Variants in UQCC1 observed in about 807,000 individuals in gnomAD.
UQCC1 encodes bFGF-repressed Zic-binding protein.
In UQCC1, 38 loss-of-function variants were observed where a neutral mutation model predicts 48.0. That is an observed-to-expected ratio of 0.79 (90% confidence interval 0.61 to 1.04). The LOEUF is 1.04. Ranked by LOEUF, UQCC1 falls within the 50% of genes least tolerant of loss-of-function variation. The pLI is 0.00. For synonymous variants in UQCC1, 111 were observed against 129.2 expected (o/e 0.86, Z 0.95); for missense variants, 368 against 381.8 (o/e 0.96, Z 0.30).
In UQCC1 at chr20:35,394,119, C is replaced by G. The variant is rs747896153; in HGVS notation, c.102G>C (p.Gly34=). 2.5e-6 allele frequency: 4 copies of G among 1,613,802 alleles called. No homozygotes were observed. Among genetic ancestry groups the G allele is most frequent in the Non-Finnish European group, 3.4e-6 (4 of 1,179,818 alleles). Reference sequence around the variant, plus strand: ...GGGAAGTGCGAGACAGAGCCCTGTCCCCCTGTCCTTGGGTAGGAGACACAG... The same window carrying G: ...GGGAAGTGCGAGACAGAGCCCTGTCGCCCTGTCCTTGGGTAGGAGACACAG... ...LIPVSPTQGQ[G]DRALSRTSQW... The change falls in exon 2 of 10, where the codon GGG becomes GGC. Residue 34 remains glycine (G), a synonymous_variant. Transcript: ENST00000374385.
intron 7 of UQCC1, among the ~76,000 whole-genome samples, chr20:35,325,581 C>T (rs1000727979): frequency 4.6e-5 from 7 of 152,184 alleles, no homozygotes; most frequent in African/African-American, 1.7e-4. Context: ...TGAGTAACTG[C>T]TGTATTCTAC....
intron 1 of UQCC1, among the ~76,000 whole-genome samples, chr20:35,403,596 A>G (rs560872762): frequency 2.0e-5 from 3 of 152,338 alleles, no homozygotes; most frequent in South Asian, 2.1e-4. Flanking sequence ...ATGCTGCTAT[A>G]AAGACACACA....
At chr20:35,409,471 A>AG (rs61301013) in intron 1 of UQCC1, 9,336 of 175,026 alleles carry the variant, frequency 0.053, 400 homozygotes, top group South Asian at 0.16. Context: ...ACTCCGTCTC[A>AG]GAAAAAAAAA....
chr20:35,393,539 G>A (rs2062038250), intron 2 of UQCC1, among the ~76,000 whole-genome samples: 1 of 147,648 alleles, frequency 6.8e-6, no homozygotes, highest in African/African-American at 2.5e-5. Context: ...CACACAGGCT[G>A]AAAAAGAACC....
intron 6 of UQCC1, among the ~76,000 whole-genome samples, chr20:35,355,306 C>A (rs1251682211): frequency 1.3e-5 from 2 of 152,232 alleles, no homozygotes; most frequent in Non-Finnish European, 2.9e-5. Context: ...AAGAATCAGT[C>A]TTCCTATCAA....
At chr20:35,386,583 A>C (rs140216708) in intron 2 of UQCC1, among the ~76,000 whole-genome samples, 4 of 152,328 alleles carry the variant, frequency 2.6e-5, no homozygotes, top group Non-Finnish European at 5.9e-5. Flanking sequence ...CATCACATAC[A>C]TCAATGCAAT....
chr20:35,406,846 G>A (rs2062257821), intron 1 of UQCC1, among the ~76,000 whole-genome samples: 1 of 152,132 alleles, frequency 6.6e-6, no homozygotes, highest in Admixed American at 6.5e-5. Context: ...TGTTCGGGAA[G>A]GAACAGAGCT....
intron 1 of UQCC1, among the ~76,000 whole-genome samples, chr20:35,404,895 A>C (rs529979243): frequency 6.6e-6 from 1 of 152,272 alleles, no homozygotes; most frequent in South Asian, 2.1e-4. Flanking sequence ...GCTAACCAAA[A>C]AGGTTTAAAG....
intron 7 of UQCC1, chr20:35,346,962 T>TA (rs2061437780): frequency 2.7e-6 from 4 of 1,505,710 alleles, no homozygotes; most frequent in East Asian, 2.5e-5. Flanking sequence ...CAAATCACTA[T>TA]AATGTGTACA....
At chr20:35,344,389 T>C (rs191699106) in intron 7 of UQCC1, 3 of 152,384 alleles carry the variant, frequency 2.0e-5, no homozygotes, top group Non-Finnish European at 4.4e-5. Context: ...CTCATTAAGC[T>C]ATTCAGGATA....
At chr20:35,373,374 T>C (rs573612745) in intron 5 of UQCC1, among the ~76,000 whole-genome samples, 1 of 152,292 alleles carries the variant, frequency 6.6e-6, no homozygotes, top group African/African-American at 2.4e-5. Context: ...CATGTCAAAA[T>C]GCTAAGTAAA....
chr20:35,385,603 G>A (rs1202595151), intron 2 of UQCC1, among the ~76,000 whole-genome samples: 1 of 152,174 alleles, frequency 6.6e-6, no homozygotes, highest in Non-Finnish European at 1.5e-5. Flanking sequence ...CCCGGCTCAA[G>A]CAATTCTCCT....
intron 7 of UQCC1, chr20:35,345,233 T>C (rs1346380313): frequency 6.6e-6 from 1 of 152,244 alleles, no homozygotes; most frequent in Non-Finnish European, 1.5e-5. Flanking sequence ...CAATTTATAA[T>C]CGGTTGGCCA....
intron 2 of UQCC1, among the ~76,000 whole-genome samples, chr20:35,389,955 A>G (rs989320696): frequency 2.6e-5 from 4 of 152,246 alleles, no homozygotes; most frequent in Non-Finnish European, 5.9e-5. Flanking sequence ...CCAAATGGAT[A>G]AAGAAAATAT....
chr20:35,399,803 A>G (rs1329605434), intron 1 of UQCC1, among the ~76,000 whole-genome samples: 1 of 148,326 alleles, frequency 6.7e-6, no homozygotes, highest in Non-Finnish European at 1.5e-5. Context: ...GATTACAGTG[A>G]GCCAAAATCA....
intron 7 of UQCC1, among the ~76,000 whole-genome samples, chr20:35,342,467 C>A (rs1048248892): frequency 2.0e-5 from 3 of 152,230 alleles, no homozygotes; most frequent in Non-Finnish European, 4.4e-5. Context: ...ACTGGACACA[C>A]CTGGCTGCAA....
intron 6 of UQCC1, among the ~76,000 whole-genome samples, chr20:35,361,025 A>G (rs1359678709): frequency 6.6e-6 from 1 of 152,050 alleles, no homozygotes; most frequent in Non-Finnish European, 1.5e-5. Context: ...CTGTCTCCCC[A>G]TTTGCAAAAT....
chr20:35,402,958 T>C (rs1312008871), intron 1 of UQCC1, among the ~76,000 whole-genome samples: 1 of 151,870 alleles, frequency 6.6e-6, no homozygotes, highest in Non-Finnish European at 1.5e-5. Flanking sequence ...TCCCAGCTAC[T>C]TGGGAGGCTG....
intron 2 of UQCC1, among the ~76,000 whole-genome samples, chr20:35,391,402 A>G (rs779446224): frequency 1.3e-5 from 2 of 152,122 alleles, no homozygotes; most frequent in African/African-American, 4.8e-5. Context: ...GGGGTGGATC[A>G]CTTGAGGTCA....
Sources: gnomAD v4.1 joint callset for allele counts (sites outside exome capture counted in the v4.1 genomes callset) on GRCh38, gnomAD v4.1.1 for gene constraint, MANE v1.5 for transcripts, NCBI Gene and HGNC (gene_info 2026-07-23, HGNC 2026-07-21) for gene names.